PRTFDC1: variants seen among roughly 807,000 people sequenced by gnomAD.
PRTFDC1 encodes phosphoribosyltransferase domain-containing protein 1.
PRTFDC1 carries 38 observed loss-of-function variants against 34.6 expected under a neutral mutation model. The observed-to-expected ratio is 1.10, with a 90% CI of 0.85 to 1.44. The LOEUF is 1.44. Ranked by LOEUF, PRTFDC1 falls within the 40% of genes most tolerant of loss-of-function variation. The pLI, the probability that PRTFDC1 is intolerant of heterozygous loss-of-function variation, is 0.00. For synonymous variants in PRTFDC1, 93 were observed against 98.1 expected (o/e 0.95, Z 0.31); for missense variants, 270 against 283.0 (o/e 0.95, Z 0.33).
chr10:24,921,388 C>T (rs1243092758), intron 3 of PRTFDC1, among the ~76,000 whole-genome samples: 2 of 152,112 alleles, frequency 1.3e-5, no homozygotes, highest in Non-Finnish European at 2.9e-5. Context: ...GTCTATAGGG[C>T]ACCAAAGCCC....
At chr10:24,865,314 A>G (rs1313769977) in intron 4 of PRTFDC1, among the ~76,000 whole-genome samples, 1 of 152,154 alleles carries the variant, frequency 6.6e-6, no homozygotes, top group African/African-American at 2.4e-5. Context: ...AGCTATTATC[A>G]ATGTCTATTG....
chr10:24,891,849 A>G (rs1210670336), intron 3 of PRTFDC1, among the ~76,000 whole-genome samples: 1 of 152,176 alleles, frequency 6.6e-6, no homozygotes, highest in Non-Finnish European at 1.5e-5. Context: ...TCCTTGCAAG[A>G]CAGAGATAAA....
chr10:24,876,035 T>C (rs887684833), intron 3 of PRTFDC1, among the ~76,000 whole-genome samples: 2 of 152,042 alleles, frequency 1.3e-5, no homozygotes, highest in African/African-American at 4.8e-5. Flanking sequence ...CAGAGCTTTT[T>C]AGTATGTTTT....
intron 1 of PRTFDC1, among the ~76,000 whole-genome samples, chr10:24,950,766 G>C (rs1341816435): frequency 1.3e-5 from 2 of 151,988 alleles, no homozygotes; most frequent in African/African-American, 2.4e-5. Flanking sequence ...TTATATTTGG[G>C]ACTTTCCAGG....
intron 4 of PRTFDC1, among the ~76,000 whole-genome samples, chr10:24,866,381 G>GA (rs1296385783): frequency 5.1e-5 from 7 of 137,408 alleles, no homozygotes; most frequent in South Asian, 2.4e-4. Context: ...AAAAAAAAAA[G>GA]AAAAAAAAAC....
chr10:24,948,705 C>T (rs1440918721), intron 1 of PRTFDC1, among the ~76,000 whole-genome samples: 1 of 152,182 alleles, frequency 6.6e-6, no homozygotes, highest in Non-Finnish European at 1.5e-5. Context: ...TACCTCATTC[C>T]TGGACAATTC....
chr10:24,869,842 T>C (rs1374123389), intron 4 of PRTFDC1, among the ~76,000 whole-genome samples: 1 of 152,186 alleles, frequency 6.6e-6, no homozygotes, highest in African/African-American at 2.4e-5. Flanking sequence ...GGTGTGACCA[T>C]GTGGGCTTAT....
chr10:24,908,958 C>A (rs1176801983), intron 3 of PRTFDC1: 1 of 366,430 alleles, frequency 2.7e-6, no homozygotes, highest in Non-Finnish European at 4.9e-6. Context: ...GGCATCCAAC[C>A]TTTCTGAGCC....
At chr10:24,905,576 G>C (rs1383544386) in intron 3 of PRTFDC1, among the ~76,000 whole-genome samples, 7 of 152,022 alleles carry the variant, frequency 4.6e-5, no homozygotes, top group Admixed American at 4.6e-4. Flanking sequence ...GCCTCCCAAA[G>C]TGTTGGGATT....
chr10:24,908,437 A>C, intron 3 of PRTFDC1: 1 of 1,545,014 alleles, frequency 6.5e-7, no homozygotes, highest in Non-Finnish European at 8.7e-7. Context: ...GGGCACAGCC[A>C]GGGCTTGAAG....
intron 1 of PRTFDC1, among the ~76,000 whole-genome samples, chr10:24,943,303 C>T (rs943399980): frequency 2.0e-5 from 3 of 151,878 alleles, no homozygotes; most frequent in South Asian, 4.1e-4. Context: ...ACACTTAAAC[C>T]GTCCTATTAG....
At position 24,872,077 on chromosome 10, in the gene PRTFDC1, GA is replaced by G. The variant is rs761824359; in HGVS notation, c.340-15del. The G allele has an allele frequency of 2.2e-5, 35 of 1,582,952 alleles. No individual in the cohort carries two copies. Among genetic ancestry groups the G allele is most frequent in the South Asian group, 5.6e-5 (5 of 88,648 alleles). On this transcript the variant is annotated splice_polypyrimidine_tract_variant and intron_variant, in intron 3 of 8. Transcript: ENST00000320152. ...GGACTGGTCATTCTGCAAAAAAGAA[GA>G]AAAAAAAGGGAGACAATTTTACCGC... is the stretch of plus-strand genomic sequence containing the variant.
At chr10:24,943,706 T>G (rs1849208094) in intron 1 of PRTFDC1, among the ~76,000 whole-genome samples, 1 of 152,036 alleles carries the variant, frequency 6.6e-6, no homozygotes, top group Non-Finnish European at 1.5e-5. Flanking sequence ...TGTGCCACCA[T>G]GCCCAGCTAA....
At position 24,856,987 on chromosome 10, in the gene PRTFDC1, GACA is replaced by G. The variant is rs1466421438; in HGVS notation, c.429_431del (p.Val144del). On this transcript the variant is annotated inframe_deletion, in exon 6 of 9. Transcript: ENST00000320152. ...GTGCTTTCATGGTCCTCCCAGTTCC[GACA>G]ACATCCTTTGCAAAAAGGACAGATA... 6.2e-7 allele frequency: 1 copy of G among 1,612,696 alleles called. No homozygotes were observed. The highest frequency in any genetic ancestry group is 2.2e-5 in the East Asian group (1 of 44,864).
chr10:24,951,799 C>A (rs974413946), intron 1 of PRTFDC1, among the ~76,000 whole-genome samples: 2 of 152,162 alleles, frequency 1.3e-5, no homozygotes, highest in East Asian at 3.9e-4. Context: ...TGGCTGACAC[C>A]GTCAGGATTC....
intron 3 of PRTFDC1, among the ~76,000 whole-genome samples, chr10:24,887,803 C>G (rs1303639970): frequency 6.6e-6 from 1 of 152,186 alleles, no homozygotes; most frequent in Non-Finnish European, 1.5e-5. Flanking sequence ...AGTGATCTCT[C>G]CAGCCAACCC....
At chr10:24,909,655 C>A (rs945554292) in intron 3 of PRTFDC1, among the ~76,000 whole-genome samples, 1 of 152,100 alleles carries the variant, frequency 6.6e-6, no homozygotes, top group Non-Finnish European at 1.5e-5. Flanking sequence ...ATATGCTATA[C>A]CTGGCAATAA....
chr10:24,947,089 A>G (rs1386355463), intron 1 of PRTFDC1, among the ~76,000 whole-genome samples: 1 of 152,248 alleles, frequency 6.6e-6, no homozygotes, highest in African/African-American at 2.4e-5. Context: ...GTAGTAAGCC[A>G]TGATCGCATC....
rs1247334787 is a variant in PRTFDC1, at chr10:24,937,108, T to C, written c.339+76A>G. Reference sequence around the variant, plus strand: ...TTTTTAAAAATTGCACTCTTCATTTTCATAACATTATTGATTCTTTTATCC... The same window carrying C: ...TTTTTAAAAATTGCACTCTTCATTTCCATAACATTATTGATTCTTTTATCC... On this transcript the variant is annotated intron_variant, in intron 3 of 8. Coordinates refer to ENST00000320152, the MANE Select transcript of PRTFDC1 (RefSeq NM_020200.7). The C allele has an allele frequency of 3.3e-5, 44 of 1,348,784 alleles. No individual in the cohort carries two copies. In the East Asian group the frequency reaches 1.0e-3, roughly 31 times the overall value. The allele number at this position is 1,348,784 out of a possible 1,614,324, so 83.6% of individuals were successfully genotyped here.
Sources: allele counts gnomAD v4.1 joint callset (sites outside exome capture counted in the v4.1 genomes callset), GRCh38; gene constraint gnomAD v4.1.1; transcripts MANE v1.5; gene names NCBI Gene and HGNC (gene_info 2026-07-23, HGNC 2026-07-21).